The following SPATA17 variants were observed in gnomAD, a reference collection of about 807,000 sequenced individuals.
SPATA17 encodes spermatogenesis-associated protein 17.
In SPATA17, 53 loss-of-function variants were observed where a neutral mutation model predicts 62.2. The ratio of observed to expected loss-of-function variants is 0.85; its 90% CI spans 0.68 to 1.07. SPATA17 has a LOEUF of 1.07. SPATA17 is among the 50% of genes least tolerant of loss of function. The probability of loss-of-function intolerance (pLI) is 0.00; values close to 1 mark genes in which losing one functional copy is unlikely to be tolerated. For missense variants in SPATA17, 466 were observed against 425.5 expected (o/e 1.10, Z -0.84); for synonymous variants, 146 against 146.8 (o/e 0.99, Z 0.04).
chr1:217,847,951 G>A (rs964820959), intron 9 of SPATA17, among the ~76,000 whole-genome samples: 9 of 152,028 alleles, frequency 5.9e-5, no homozygotes, highest in Admixed American at 3.3e-4. Context: ...AGAATTGTTT[G>A]AGCATGGGAA....
At chr1:217,700,097 A>T (rs1306374127) in intron 5 of SPATA17, among the ~76,000 whole-genome samples, 1 of 151,794 alleles carries the variant, frequency 6.6e-6, no homozygotes, top group Admixed American at 6.6e-5. Flanking sequence ...GGGCAGGGGG[A>T]TTCCTTTCAC....
chr1:217,746,904 A>G (rs2102952100), intron 6 of SPATA17, among the ~76,000 whole-genome samples: 1 of 152,132 alleles, frequency 6.6e-6, no homozygotes, highest in East Asian at 1.9e-4. Context: ...ATGGTACCTT[A>G]TTTGCATAAA....
intron 6 of SPATA17, among the ~76,000 whole-genome samples, chr1:217,771,706 A>G (rs1013041247): frequency 2.6e-5 from 4 of 152,188 alleles, no homozygotes; most frequent in African/African-American, 4.8e-5. Flanking sequence ...TTTTCGATCT[A>G]TATTTGATTT....
chr1:217,828,759 T>C (rs1011336064), intron 9 of SPATA17, among the ~76,000 whole-genome samples: 2 of 151,716 alleles, frequency 1.3e-5, no homozygotes, highest in Non-Finnish European at 2.9e-5. Context: ...GCAAGAAAAA[T>C]AAGCCAATTA....
chr1:217,644,134 T>C (rs1670130696), intron 1 of SPATA17, among the ~76,000 whole-genome samples: 1 of 152,208 alleles, frequency 6.6e-6, no homozygotes, highest in African/African-American at 2.4e-5. Flanking sequence ...CGACCAACTA[T>C]GGTAACTTCT....
chr1:217,704,726 T>G (rs911597397), intron 5 of SPATA17, among the ~76,000 whole-genome samples: 1 of 152,186 alleles, frequency 6.6e-6, no homozygotes, highest in Non-Finnish European at 1.5e-5. Flanking sequence ...TCAAAGGACA[T>G]GATCTCATTT....
At chr1:217,753,072 G>T (rs1035641639) in intron 6 of SPATA17, among the ~76,000 whole-genome samples, 2 of 152,164 alleles carry the variant, frequency 1.3e-5, no homozygotes, top group Non-Finnish European at 2.9e-5. Flanking sequence ...GGGGAAGTGT[G>T]ATAGAGGATG....
At chr1:217,829,423 T>A (rs1158846110) in intron 9 of SPATA17, among the ~76,000 whole-genome samples, 3 of 149,020 alleles carry the variant, frequency 2.0e-5, no homozygotes, top group Non-Finnish European at 1.5e-5. Context: ...AGGTCAGGAG[T>A]TCAAGACCAG....
At position 217,677,332 on chromosome 1, in the gene SPATA17, T is replaced by C. The variant is rs1670968647; in HGVS notation, c.292-5926T>C. 2.0e-5 allele frequency among the ~76,000 whole-genome samples: 3 copies of C among 152,172 alleles called. No individual in the cohort carries two copies. The South Asian group carries it at 6.2e-4, about 31-fold the overall frequency. ...ATTATATGGTGGCTTTACTTAAAAA[T>C]GATTAAATATGTGTCAGATATATAA... On this transcript the variant is annotated intron_variant, in intron 4 of 10. Transcript: ENST00000366933.
rs1191996829 is a variant in SPATA17, at chr1:217,794,081, A to C, written c.873-7637A>C. Among the ~76,000 whole-genome samples the C allele has an allele frequency of 2.8e-4, 42 of 149,266 alleles. No individual in the cohort carries two copies. In the Admixed American group the frequency reaches 2.9e-3, roughly 10 times the overall value. On this transcript the variant is annotated intron_variant, in intron 8 of 10. Transcript: ENST00000366933. Reference sequence around the variant, plus strand: ...CAGTGAGCCAAGATCGCGCCACTGCACTCCAGCCTGGGTAACAGAGCGAGA... The same window carrying C: ...CAGTGAGCCAAGATCGCGCCACTGCCCTCCAGCCTGGGTAACAGAGCGAGA...
intron 9 of SPATA17, among the ~76,000 whole-genome samples, chr1:217,841,744 A>G (rs1169507381): frequency 1.3e-5 from 2 of 151,456 alleles, no homozygotes; most frequent in Non-Finnish European, 2.9e-5. Context: ...TGAATAATAC[A>G]CATGTCATGC....
intron 9 of SPATA17, among the ~76,000 whole-genome samples, chr1:217,818,262 G>C (rs1204982456): frequency 2.0e-5 from 3 of 151,634 alleles, no homozygotes; most frequent in Non-Finnish European, 4.4e-5. Context: ...ACCATCCTTG[G>C]ACATCACAAT....
intron 10 of SPATA17, among the ~76,000 whole-genome samples, chr1:217,865,023 G>A (rs11117955): frequency 0.077 from 11,632 of 151,886 alleles, 473 homozygotes; most frequent in African/African-American, 0.11. Context: ...TTATAAAAAC[G>A]TCATCTCCTT....
At chr1:217,817,120 C>A (rs1389250002) in intron 9 of SPATA17, among the ~76,000 whole-genome samples, 1 of 151,936 alleles carries the variant, frequency 6.6e-6, no homozygotes, top group East Asian at 1.9e-4. Flanking sequence ...TGTTTAAATA[C>A]CATTAAAAGA....
chr1:217,843,694 T>C (rs925096292), intron 9 of SPATA17, among the ~76,000 whole-genome samples: 3 of 152,054 alleles, frequency 2.0e-5, no homozygotes, highest in African/African-American at 7.2e-5. Flanking sequence ...AACTCTGCAT[T>C]GTAGCGCAAA....
Position 217,865,406 on chromosome 1 carries a change from C to T in SPATA17, c.*3-1616C>T, listed in dbSNP as rs1308576363. Among the ~76,000 whole-genome samples the T allele has an allele frequency of 2.0e-5, 3 of 152,212 alleles. No homozygotes were observed. In the East Asian group the frequency reaches 5.8e-4, roughly 29 times the overall value. On this transcript the variant is annotated intron_variant, in intron 10 of 10. Transcript: ENST00000366933. ...AGTTTAGGATAAACACTGCCTGTAC[C>T]TAGCTGTTATCATTAATGCTCTAAG...
At chr1:217,753,943 A>G (rs558973118) in intron 6 of SPATA17, among the ~76,000 whole-genome samples, 2 of 152,238 alleles carry the variant, frequency 1.3e-5, no homozygotes, top group East Asian at 3.9e-4. Context: ...TTTTATATAA[A>G]ACTCCTATTG....
At chr1:217,810,326 T>G (rs1163331145) in intron 9 of SPATA17, among the ~76,000 whole-genome samples, 1 of 152,150 alleles carries the variant, frequency 6.6e-6, no homozygotes, top group Admixed American at 6.6e-5. Context: ...AATCACACAT[T>G]ATTATTCTTG....
At chr1:217,789,055 C>G (rs1043804486) in intron 8 of SPATA17, among the ~76,000 whole-genome samples, 3 of 152,142 alleles carry the variant, frequency 2.0e-5, no homozygotes, top group Admixed American at 6.5e-5. Context: ...GTAACAGTGA[C>G]TGGAGTTTCC....
Sources: gnomAD v4.1 joint callset for allele counts (sites outside exome capture counted in the v4.1 genomes callset) on GRCh38, gnomAD v4.1.1 for gene constraint, MANE v1.5 for transcripts, NCBI Gene and HGNC (gene_info 2026-07-23, HGNC 2026-07-21) for gene names.